Variants in CHL1 observed in about 807,000 individuals in gnomAD.
CHL1 encodes cell adhesion molecule L1 like.
Under a neutral mutation model 141.9 loss-of-function variants are expected in CHL1, and 96 were observed. That is an observed-to-expected ratio of 0.68 (90% CI 0.57 to 0.80). The LOEUF is 0.80. Ranked by LOEUF, CHL1 falls within the 30% of genes least tolerant of loss-of-function variation. The pLI, the probability that CHL1 is intolerant of heterozygous loss-of-function variation, is 0.00. For synonymous variants in CHL1, 613 were observed against 502.2 expected, an observed-to-expected ratio of 1.22 and a Z score of -2.95; for missense variants, 1,820 against 1,457.2, an observed-to-expected ratio of 1.25 and a Z score of -4.05.
In CHL1 at chr3:272,053, G is replaced by A. The variant is rs148394546; in HGVS notation, c.-95+27361G>A. On this transcript the variant is annotated intron_variant, in intron 2 of 27. Transcript: ENST00000256509. The stretch of plus-strand genomic sequence containing the variant: ...GATTTAATAGAATTGGGAAAATAAT[G>A]TTTTTATATTTCTATTATAAATAAC... Among the ~76,000 whole-genome samples, 1,334 of 152,218 alleles carry A rather than the reference G, an allele frequency of 8.8e-3. 15 individuals carry two copies. The highest frequency in any genetic ancestry group is 0.038 in the South Asian group (184 of 4,824).
At position 328,226 on chromosome 3, in the gene CHL1, C is replaced by G. The variant is rs750674722; in HGVS notation, c.257C>G (p.Ser86Trp). ...TTCACTGACCATCGGATAATTCCAT[C>G]GAACAATTCAGGAACATTCAGGATC... ...FYFTDHRIIP[S>W]NNSGTFRIPN... is the part of the protein sequence containing the mutation. Residue 86 changes from serine to tryptophan, a missense_variant, in exon 5 of 28, where the codon TCG becomes TGG. Transcript: ENST00000256509. 1.2e-6 allele frequency: 2 copies of G among 1,611,638 alleles called. No individual in the cohort carries two copies. The highest frequency in any genetic ancestry group is 1.1e-5 in the South Asian group (1 of 90,818).
chr3:291,941 A>G (rs1697730936), intron 2 of CHL1, among the ~76,000 whole-genome samples: 1 of 152,202 alleles, frequency 6.6e-6, no homozygotes, highest in South Asian at 2.1e-4. Flanking sequence ...GTGTTTGGAA[A>G]TATCCCTTCT....
chr3:254,503 A>C (rs1419253825), intron 2 of CHL1, among the ~76,000 whole-genome samples: 1 of 152,170 alleles, frequency 6.6e-6, no homozygotes, highest in Admixed American at 6.5e-5. Flanking sequence ...TTTAGCTGGG[A>C]TACAGGGAGC....
In CHL1 at chr3:401,698, G is replaced by A; in HGVS notation, c.3458G>A (p.Ser1153Asn). ...AAAGATGAAACCTTTGGTGAATACA[G>A]GTAAACATAAGGTTCTGTTGTAAAA... ...SVKDETFGEY[S>N]DSDEKPLKGS... Residue 1153 changes from serine (S) to asparagine (N), a missense_variant and splice_region_variant, in exon 27 of 28, where the codon AGT becomes AAT. Coordinates refer to ENST00000256509, the MANE Select transcript of CHL1 (RefSeq NM_006614.4). The A allele has an allele frequency of 6.5e-7, 1 of 1,542,276 alleles. No individual in the cohort carries two copies. The highest frequency in any genetic ancestry group is 8.8e-7 in the Non-Finnish European group (1 of 1,130,884).
rs1699996403 is a variant in CHL1, at chr3:314,329, G to GTATGTATATATA, written c.-94-5351_-94-5350insGTATATATATAT. 1.1e-4 allele frequency among the ~76,000 whole-genome samples: 7 copies of GTATGTATATATA among 65,344 alleles called. 1 individual carries two copies. The highest frequency in any genetic ancestry group is 3.7e-4 in the African/African-American group (7 of 19,028). 42.9% of individuals were successfully genotyped at this position (65,344 alleles called of 152,430 possible). On this transcript the variant is annotated intron_variant, in intron 2 of 27. Transcript: ENST00000256509. ...TCTCTTTCTCTCTCTCTCTCTATGT[G>GTATGTATATATA]TATATATATATATATATATATATAT...
chr3:253,162 C>A (rs531130226), intron 2 of CHL1, among the ~76,000 whole-genome samples: 1 of 152,104 alleles, frequency 6.6e-6, no homozygotes, highest in Admixed American at 6.6e-5. Context: ...AGACACATTT[C>A]TATAATTGTA....
intron 8 of CHL1, among the ~76,000 whole-genome samples, 189 bp from the exon 9 acceptor site, chr3:344,400 A>G (rs1702588674): frequency 6.6e-6 from 1 of 152,036 alleles, no homozygotes; most frequent in African/African-American, 2.4e-5. Context: ...TATGAGGGAC[A>G]ACCCATGCTT....
intron 15 of CHL1, chr3:373,715 G>A (rs1705936570): frequency 6.6e-6 from 1 of 152,354 alleles, no homozygotes; most frequent in African/African-American, 2.4e-5. Flanking sequence ...TGGGGCTTCG[G>A]GGTTGTGATG....
At chr3:280,457 G>C (rs550855932) in intron 2 of CHL1, among the ~76,000 whole-genome samples, 25 of 152,260 alleles carry the variant, frequency 1.6e-4, no homozygotes, top group African/African-American at 4.8e-4. Flanking sequence ...GAATTAAAGT[G>C]CTGAATAACT....
At chr3:365,171 C>T (rs1413748571) in intron 14 of CHL1, among the ~76,000 whole-genome samples, 1 of 151,972 alleles carries the variant, frequency 6.6e-6, no homozygotes, top group Non-Finnish European at 1.5e-5. Context: ...TGGGAGGTCC[C>T]CAAAATGCCA....
At chr3:275,550 C>G (rs1435927286) in intron 2 of CHL1, among the ~76,000 whole-genome samples, 1 of 152,188 alleles carries the variant, frequency 6.6e-6, no homozygotes, top group Non-Finnish European at 1.5e-5. Flanking sequence ...AGTTTTGTTA[C>G]CTATAGCAAA....
At chr3:293,746 T>TTTAC (rs1440449332) in intron 2 of CHL1, among the ~76,000 whole-genome samples, 2 of 152,134 alleles carry the variant, frequency 1.3e-5, no homozygotes, top group Non-Finnish European at 2.9e-5. Context: ...ATTGGATACA[T>TTTAC]TTACTTATGT....
intron 2 of CHL1, chr3:248,164 T>C (rs558629922): frequency 3.4e-4 from 52 of 152,230 alleles, no homozygotes; most frequent in African/African-American, 1.2e-3. Flanking sequence ...AATTTTGGTA[T>C]TGAGGTGCCA....
chr3:351,980 A>T (rs1703307112), intron 10 of CHL1, among the ~76,000 whole-genome samples: 1 of 152,166 alleles, frequency 6.6e-6, no homozygotes, highest in South Asian at 2.1e-4. Flanking sequence ...TCACAATCAC[A>T]TTTCAATAGA....
intron 15 of CHL1, among the ~76,000 whole-genome samples, chr3:368,998 C>A (rs1705264674): frequency 6.6e-6 from 1 of 152,272 alleles, no homozygotes; most frequent in African/African-American, 2.4e-5. Flanking sequence ...TTACTGTCGC[C>A]TTGTAGTGTA....
chr3:403,259 A>C, intron 27 of CHL1, among the ~76,000 whole-genome samples: 1 of 152,292 alleles, frequency 6.6e-6, no homozygotes, highest in Admixed American at 6.5e-5. Context: ...GGAGCAAGAG[A>C]GAGCACCCAA....
intron 2 of CHL1, among the ~76,000 whole-genome samples, chr3:257,878 G>A (rs891819125): frequency 2.0e-5 from 3 of 152,120 alleles, no homozygotes; most frequent in Non-Finnish European, 2.9e-5. Context: ...TCATAATCAT[G>A]TCACTTAAAT....
chr3:405,642 TG>T lies in CHL1; in HGVS notation c.3608del (p.Gly1203AspfsTer50). 1.2e-6 allele frequency: 2 copies of T among 1,613,620 alleles called. No homozygotes were observed. Among genetic ancestry groups the T allele is most frequent in the Non-Finnish European group, 1.7e-6 (2 of 1,179,624 alleles). On this transcript the variant is annotated frameshift_variant, in exon 28 of 28. Coordinates refer to ENST00000256509, the MANE Select transcript of CHL1 (RefSeq NM_006614.4). LOFTEE classifies it high-confidence loss of function. Reference protein sequence around the residue: ...EDGSFIGAYAGSKEKGSVESN... With the variant: ...EDGSFIGAYAXSKEKGSVESN... ...ATGGATCATTTATTGGTGCCTACGC[TG>T]GATCTAAGGAGAAGGGATCTGTTGA...
At chr3:305,021 G>A (rs750445291) in intron 2 of CHL1, among the ~76,000 whole-genome samples, 22 of 151,812 alleles carry the variant, frequency 1.4e-4, no homozygotes, top group Middle Eastern at 3.2e-3. Flanking sequence ...ACTTTATTTC[G>A]TTTTTGACTG....
Sources: allele counts gnomAD v4.1 joint callset (sites outside exome capture counted in the v4.1 genomes callset), GRCh38; gene constraint gnomAD v4.1.1; transcripts MANE v1.5; gene names NCBI Gene and HGNC (gene_info 2026-07-23, HGNC 2026-07-21).